KIF6: variants seen among roughly 807,000 people sequenced by gnomAD.
The protein encoded by KIF6 is kinesin-like protein KIF6.
KIF6 carries 106 observed loss-of-function variants against 112.7 expected under a neutral mutation model. The observed-to-expected ratio is 0.94, with a 90% CI of 0.80 to 1.11. The LOEUF is 1.11. KIF6 is among the 50% of genes least tolerant of loss of function. The probability of loss-of-function intolerance (pLI) is 0.00; values close to 1 mark genes in which losing one functional copy is unlikely to be tolerated. For missense variants in KIF6, 929 were observed against 964.0 expected (o/e 0.96, Z 0.48); for synonymous variants, 339 against 339.9 (o/e 1.00, Z 0.03).
At chr6:39,514,254 T>C (rs1040759031) in intron 13 of KIF6, among the ~76,000 whole-genome samples, 8 of 152,216 alleles carry the variant, frequency 5.3e-5, no homozygotes, top group African/African-American at 1.9e-4. Context: ...GGCATGTGAC[T>C]TGTGAAAAGT....
chr6:39,496,474 T>C (rs1473083597), intron 13 of KIF6, among the ~76,000 whole-genome samples: 1 of 152,108 alleles, frequency 6.6e-6, no homozygotes, highest in East Asian at 1.9e-4. Flanking sequence ...CATAAGTAAC[T>C]TCCTTTTTTC....
At chr6:39,477,453 A>G (rs990587162) in intron 13 of KIF6, among the ~76,000 whole-genome samples, 1 of 152,256 alleles carries the variant, frequency 6.6e-6, no homozygotes, top group East Asian at 1.9e-4. Flanking sequence ...AGATTGTTAA[A>G]AAAGAGATAA....
Position 39,345,718 on chromosome 6 carries a change from C to T in KIF6, c.2303G>A (p.Ser768Asn). The T allele has an allele frequency of 1.2e-6, 2 of 1,613,544 alleles. No homozygotes were observed. The highest frequency in any genetic ancestry group is 1.7e-6 in the Non-Finnish European group (2 of 1,179,786). The change falls in exon 21 of 23, where the codon AGC becomes AAC. Residue 768 changes from serine (S) to asparagine (N), a missense_variant. Ser to Asn is a conservative substitution (Grantham distance 46). Around this residue, in one of 2 missense-constraint regions of KIF6, gnomAD observed 241 missense variants for 301.4 expected, o/e 0.80. Coordinates refer to ENST00000287152, the MANE Select transcript of KIF6 (RefSeq NM_145027.6). ...SPHSQKQSST[S>N]TPLEDSIPKR... ...CACAGACCTGTCTTCCAGTGGGGTG[C>T]TGGTGCTGCTCTGTTTCTGGCTGTG... is the stretch of plus-strand genomic sequence containing the variant.
chr6:39,338,937 T>TAAA (rs1763170250), intron 22 of KIF6, among the ~76,000 whole-genome samples: 1 of 113,418 alleles, frequency 8.8e-6, no homozygotes, highest in African/African-American at 3.6e-5. Context: ...TTGCATGCAG[T>TAAA]AATGACAGGG....
intron 15 of KIF6, among the ~76,000 whole-genome samples, chr6:39,399,868 A>G (rs1768554703): frequency 6.6e-6 from 1 of 152,260 alleles, no homozygotes; most frequent in Admixed American, 6.5e-5. Context: ...GTCAGATGCC[A>G]TCGCCAGGGC....
At chr6:39,674,855 G>A (rs534268543) in intron 3 of KIF6, among the ~76,000 whole-genome samples, 1 of 149,660 alleles carries the variant, frequency 6.7e-6, no homozygotes, top group South Asian at 2.2e-4. Flanking sequence ...GCTAGAATGA[G>A]AGAACCAAAC....
intron 13 of KIF6, among the ~76,000 whole-genome samples, chr6:39,501,120 A>C (rs1437127210): frequency 6.6e-6 from 1 of 152,138 alleles, no homozygotes; most frequent in Non-Finnish European, 1.5e-5. Context: ...CGGGAGCAAC[A>C]CAGAGCCAAG....
chr6:39,572,661 T>A (rs1353874470), intron 10 of KIF6, among the ~76,000 whole-genome samples: 30 of 76,450 alleles, frequency 3.9e-4, no homozygotes, highest in Non-Finnish European at 5.8e-4. Flanking sequence ...TCTACAGGCT[T>A]TTTTTTTTTT....
At chr6:39,376,749 T>C (rs531566656) in intron 16 of KIF6, among the ~76,000 whole-genome samples, 1 of 152,334 alleles carries the variant, frequency 6.6e-6, no homozygotes, top group Admixed American at 6.5e-5. Context: ...GGAGCTGAGA[T>C]AGCTCTGGGG....
chr6:39,343,583 C>A lies in KIF6; in HGVS notation c.2428+126G>T. 6 of 1,153,898 alleles carry A rather than the reference C, an allele frequency of 5.2e-6. No homozygotes were observed. The South Asian group carries it at 9.3e-5, about 18-fold the overall frequency. The allele number at this position is 1,153,898 out of a possible 1,614,324, so 71.5% of individuals were successfully genotyped here. A position where few individuals can be genotyped will look rare whatever the true frequency, so the allele number is the denominator to read the frequency against. On this transcript the variant is annotated intron_variant, in intron 22 of 22. Transcript: ENST00000287152. The surrounding 1 kb of genome is among the most constrained non-coding windows in gnomAD (Gnocchi z 4.1). ...AGGCTGGGCACATGTGACTGACAGGCAGGCCAGTCCTGTGGCTTCAGGAAT... is the reference window on the plus strand; with the variant it reads ...AGGCTGGGCACATGTGACTGACAGGAAGGCCAGTCCTGTGGCTTCAGGAAT...
At chr6:39,716,536 G>T (rs1789864306) in intron 2 of KIF6, among the ~76,000 whole-genome samples, 1 of 152,098 alleles carries the variant, frequency 6.6e-6, no homozygotes, top group Admixed American at 6.6e-5. Flanking sequence ...AAGGCATTTT[G>T]ATCAGCTGTC....
chr6:39,358,670 G>A (rs1030062376), intron 18 of KIF6, among the ~76,000 whole-genome samples: 1 of 152,226 alleles, frequency 6.6e-6, no homozygotes, highest in African/African-American at 2.4e-5. Flanking sequence ...TTAACCTGGA[G>A]TCCACAGACA....
At chr6:39,408,223 C>A (rs577977660) in intron 15 of KIF6, among the ~76,000 whole-genome samples, 130 of 152,264 alleles carry the variant, frequency 8.5e-4, no homozygotes, top group African/African-American at 2.9e-3. Context: ...CTGATATGAT[C>A]ATGTACAAGC....
At chr6:39,390,028 C>A (rs1767738764) in intron 15 of KIF6, among the ~76,000 whole-genome samples, 1 of 100,678 alleles carries the variant, frequency 9.9e-6, no homozygotes. Flanking sequence ...GAGACTCTGT[C>A]TCCAAAAAAA....
intron 14 of KIF6, among the ~76,000 whole-genome samples, chr6:39,426,523 G>C (rs190769547): frequency 1.0e-3 from 158 of 152,290 alleles, no homozygotes; most frequent in African/African-American, 2.9e-3. Context: ...GCCCAGGGAG[G>C]GGGGAGGATC....
At chr6:39,337,030 T>G (rs1762959066) in intron 22 of KIF6, among the ~76,000 whole-genome samples, 1 of 127,270 alleles carries the variant, frequency 7.9e-6, no homozygotes, top group Non-Finnish European at 1.7e-5. Flanking sequence ...CTTCCTTCCT[T>G]TCTTTTCCTT....
At chr6:39,374,826 A>G (rs1766304421) in intron 16 of KIF6, among the ~76,000 whole-genome samples, 1 of 152,206 alleles carries the variant, frequency 6.6e-6, no homozygotes. Context: ...TGTTCAAAAT[A>G]CTAAAATAGA....
chr6:39,678,696 A>AGACCTATATT, intron 3 of KIF6, among the ~76,000 whole-genome samples: 1 of 152,310 alleles, frequency 6.6e-6, no homozygotes, highest in South Asian at 2.1e-4. Context: ...CTCAGCAACA[A>AGACCTATATT]AGACCTATAT....
At chr6:39,471,815 G>A (rs984730904) in intron 13 of KIF6, among the ~76,000 whole-genome samples, 11 of 152,166 alleles carry the variant, frequency 7.2e-5, no homozygotes, top group African/African-American at 2.7e-4. Flanking sequence ...AGATGATATA[G>A]CATGACCTTC....
Sources: allele counts gnomAD v4.1 joint callset (sites outside exome capture counted in the v4.1 genomes callset), GRCh38; gene constraint gnomAD v4.1.1; regional missense constraint gnomAD v4.1.1; non-coding constraint Gnocchi (gnomAD v3.1); transcripts MANE v1.5; gene names NCBI Gene and HGNC (gene_info 2026-07-23, HGNC 2026-07-21).